Variants in BRF1 observed in about 807,000 individuals in gnomAD.
BRF1 encodes the protein transcription factor IIIB 90 kDa subunit.
BRF1 carries 59 observed loss-of-function variants against 81.7 expected under a neutral mutation model. The ratio of observed to expected loss-of-function variants is 0.72; its 90% CI spans 0.59 to 0.90. BRF1 has a LOEUF of 0.90. Ranked by LOEUF, BRF1 falls within the 40% of genes least tolerant of loss-of-function variation. The pLI, the probability that BRF1 is intolerant of heterozygous loss-of-function variation, is 0.00. For synonymous variants in BRF1, 491 were observed against 395.6 expected (o/e 1.24, Z -2.86); for missense variants, 1,050 against 936.3 (o/e 1.12, Z -1.58).
At chr14:105,270,208 C>G (rs1232348248) in intron 3 of BRF1, among the ~76,000 whole-genome samples, 1 of 146,328 alleles carries the variant, frequency 6.8e-6, no homozygotes, top group African/African-American at 2.5e-5. Flanking sequence ...GAGTCTCACT[C>G]TGTAGCCCAG....
In BRF1 at chr14:105,241,263, A is replaced by T; in HGVS notation, c.694+2T>A. On this transcript the variant is annotated splice_donor_variant, in intron 6 of 17. Coordinates refer to ENST00000547530, the MANE Select transcript of BRF1 (RefSeq NM_001519.4). LOFTEE classifies it high-confidence loss of function. Reference sequence around the variant, plus strand: ...CCCCCAGGCAGGCAGGGCCCGCTGTACCTGCTCCGCAGAGGCCCGAGGGGC... The same window carrying T: ...CCCCCAGGCAGGCAGGGCCCGCTGTTCCTGCTCCGCAGAGGCCCGAGGGGC... 2 of 1,611,088 alleles carry T rather than the reference A, an allele frequency of 1.2e-6. No homozygotes were observed. Among genetic ancestry groups the T allele is most frequent in the Non-Finnish European group, 1.7e-6 (2 of 1,179,690 alleles).
chr14:105,314,211 C>G (rs1179714654), intron 1 of BRF1, among the ~76,000 whole-genome samples: 3 of 150,126 alleles, frequency 2.0e-5, no homozygotes, highest in African/African-American at 7.4e-5. Flanking sequence ...CGGGGACGGG[C>G]GGGGCCCGCA....
Position 105,256,508 on chromosome 14 carries a change from G to A in BRF1, c.471+10C>T, listed in dbSNP as rs587736292. 156 of 1,614,150 alleles carry A rather than the reference G, an allele frequency of 9.7e-5. 2 individuals are homozygous for A. The South Asian group carries it at 1.6e-3, about 16-fold the overall frequency. On this transcript the variant is annotated intron_variant, in intron 4 of 17. Transcript: ENST00000547530. The stretch of plus-strand genomic sequence containing the variant: ...CAGGTGGGGAAAGATGCAGGACGGA[G>A]GCTGTCTACCTGGAGCAGGTCGCTG...
chr14:105,251,723 G>A (rs927822928), intron 5 of BRF1, among the ~76,000 whole-genome samples: 6 of 152,016 alleles, frequency 3.9e-5, no homozygotes, highest in African/African-American at 1.4e-4. Context: ...AACAGGCAAA[G>A]TAAGAAAGGG....
At chr14:105,221,262 G>A (rs750752816) in intron 11 of BRF1, among the ~76,000 whole-genome samples, 12 of 152,164 alleles carry the variant, frequency 7.9e-5, no homozygotes, top group Non-Finnish European at 1.6e-4. Context: ...GGGGTGCCTC[G>A]TCATTGCCAC....
Position 105,210,045 on chromosome 14 carries a change from G to T in BRF1, c.*506C>A. 4.5e-6 allele frequency: 1 copy of T among 222,468 alleles called. No individual in the cohort carries two copies. The highest frequency in any genetic ancestry group is 8.9e-6 in the Non-Finnish European group (1 of 112,966). 13.8% of individuals were successfully genotyped at this position (222,468 alleles called of 1,614,324 possible). On this transcript the variant is annotated 3_prime_UTR_variant, in exon 18 of 18. Coordinates refer to ENST00000547530, the MANE Select transcript of BRF1 (RefSeq NM_001519.4). The surrounding 1 kb of genome is among the most constrained non-coding windows in gnomAD (Gnocchi z 4.7). ...CAAGTGCCAGATCCTCAGCTCCCAC[G>T]GCTGCGCCGGACACCTGCAGGGCTC...
chr14:105,248,434 T>A (rs2055277841), intron 5 of BRF1: 2 of 985,146 alleles, frequency 2.0e-6, no homozygotes, highest in African/African-American at 1.7e-5. Flanking sequence ...AGCGCGCGGC[T>A]CGCGCCGGTT....
At chr14:105,248,218 G>C (rs587641365) in intron 5 of BRF1, 1 of 985,510 alleles carries the variant, frequency 1.0e-6, no homozygotes, top group Non-Finnish European at 1.2e-6. Flanking sequence ...GCATCTGAAC[G>C]AACGAGGAAG....
chr14:105,311,008 A>G (rs191910263), intron 1 of BRF1, among the ~76,000 whole-genome samples: 1 of 152,340 alleles, frequency 6.6e-6, no homozygotes, highest in African/African-American at 2.4e-5. Context: ...GCTGGAGTGC[A>G]GTGGCACAAT....
chr14:105,229,386 A>T (rs587771304), intron 6 of BRF1, among the ~76,000 whole-genome samples: 1 of 152,238 alleles, frequency 6.6e-6, no homozygotes, highest in Non-Finnish European at 1.5e-5. Flanking sequence ...ACGGCTTCTC[A>T]GGTGGACTGA....
In BRF1 at chr14:105,226,615, A is replaced by T; in HGVS notation, c.915+19T>A. The T allele has an allele frequency of 1.9e-6, 3 of 1,612,738 alleles. No individual in the cohort carries two copies. On this transcript the variant is annotated intron_variant, in intron 8 of 17. Transcript: ENST00000547530. ...AGGCTGGCAAGCCCAGCACAGACAG[A>T]CACCAAAGCCGGCGCTACCTGCTTC...
upstream of BRF1, among the ~76,000 whole-genome samples, chr14:105,305,924 C>G (rs1396014481): frequency 6.6e-6 from 1 of 152,236 alleles, no homozygotes; most frequent in African/African-American, 2.4e-5. Context: ...AAAGAGGACG[C>G]TGGAAACGTG....
rs1430187542 is a variant in BRF1 at position 105,211,213 on chromosome 14, T to C, written c.1905A>G (p.Ser635=). 6.2e-7 allele frequency: 1 copy of C among 1,611,800 alleles called. No homozygotes were observed. The highest frequency in any genetic ancestry group is 2.2e-5 in the East Asian group (1 of 44,850). Residue 635 remains serine (S), a synonymous_variant, in exon 17 of 18, where the codon TCA becomes TCG. Transcript: ENST00000547530. ...CGTCAGCCTCCTCGTCGGCGTGGTA[T>C]GACACGGGCCCGCTCTCCACCAGCA... The part of the protein sequence containing the change: ...QAVLVESGPV[S]YHADEEADEE...
At chr14:105,257,632 G>A (rs974163662) in intron 3 of BRF1, among the ~76,000 whole-genome samples, 5 of 152,180 alleles carry the variant, frequency 3.3e-5, no homozygotes, top group African/African-American at 1.2e-4. Flanking sequence ...GGGCAGGACC[G>A]ACTGCAGCAC....
intron 5 of BRF1, chr14:105,250,923 C>G (rs2055570979): frequency 2.0e-6 from 1 of 506,490 alleles, no homozygotes. Context: ...GGCCCCAGAT[C>G]CCCTCCCAGT....
At chr14:105,295,895 A>G (rs763326703) in intron 1 of BRF1, among the ~76,000 whole-genome samples, 21 of 151,910 alleles carry the variant, frequency 1.4e-4, no homozygotes, top group Non-Finnish European at 2.8e-4. Context: ...CCTCACCAAC[A>G]TGGTGAAACC....
At position 105,271,738 on chromosome 14, in the gene BRF1, A is replaced by G. The variant is rs1045989616; in HGVS notation, c.439+983T>C. 2.6e-5 allele frequency among the ~76,000 whole-genome samples: 4 copies of G among 152,226 alleles called. No individual in the cohort carries two copies. Among genetic ancestry groups the G allele is most frequent in the African/African-American group, 9.6e-5 (4 of 41,472 alleles). ...ACCCATGTGTGTGTCTGCAGATGGC[A>G]GCAGTGGGCACAGGACCAGATGCAC... is the stretch of plus-strand genomic sequence containing the variant. On this transcript the variant is annotated intron_variant, in intron 3 of 17. Transcript: ENST00000547530. The surrounding 1 kb of genome is among the most constrained non-coding windows in gnomAD (Gnocchi z 5.5).
At chr14:105,254,309 T>G (rs1367636719) in intron 4 of BRF1, among the ~76,000 whole-genome samples, 2 of 152,196 alleles carry the variant, frequency 1.3e-5, no homozygotes, top group African/African-American at 2.4e-5. Context: ...CAGGCTGGAG[T>G]GCAGTGGTGC....
At chr14:105,281,318 G>A (rs2057089486) in intron 2 of BRF1, among the ~76,000 whole-genome samples, 1 of 144,740 alleles carries the variant, frequency 6.9e-6, no homozygotes, top group Admixed American at 6.9e-5. Flanking sequence ...CGGGTGTGTG[G>A]ATACAGCCTG....
Sources: gnomAD v4.1 joint callset for allele counts (sites outside exome capture counted in the v4.1 genomes callset) on GRCh38, gnomAD v4.1.1 for gene constraint, Gnocchi (gnomAD v3.1) non-coding constraint, MANE v1.5 for transcripts, NCBI Gene and HGNC (gene_info 2026-07-23, HGNC 2026-07-21) for gene names.